GALNT9: variants seen among roughly 807,000 people sequenced by gnomAD.
GALNT9 encodes the protein GalNAc transferase 9.
Under a neutral mutation model 63.1 loss-of-function variants are expected in GALNT9, and 47 were observed. That is an observed-to-expected ratio of 0.75 (90% confidence interval 0.59 to 0.95). GALNT9 has a LOEUF of 0.95. Ranked by LOEUF, GALNT9 falls within the 40% of genes least tolerant of loss-of-function variation. The probability of loss-of-function intolerance (pLI) is 0.00; values close to 1 mark genes in which losing one functional copy is unlikely to be tolerated. For synonymous variants in GALNT9, 396 were observed against 365.7 expected (o/e 1.08, Z -0.94); for missense variants, 829 against 874.8 (o/e 0.95, Z 0.66).
Position 132,319,440 on chromosome 12 carries a change from C to T in GALNT9, c.238+9526G>A, listed in dbSNP as rs146678314. On this transcript the variant is annotated intron_variant, in intron 1 of 10. Coordinates refer to ENST00000328957, the MANE Select transcript of GALNT9 (RefSeq NM_001122636.2). The surrounding 1 kb of genome is among the most constrained non-coding windows in gnomAD (Gnocchi z 5.2). The stretch of plus-strand genomic sequence containing the variant: ...GTAGAAGTTATGCCGTTTTCCTCAG[C>T]GTGACCCTGGCTCTTAGGTCTCTGC... 2.8e-3 allele frequency among the ~76,000 whole-genome samples: 433 copies of T among 152,234 alleles called. 3 individuals are homozygous for T. The highest frequency in any genetic ancestry group is 0.01 in the African/African-American group (417 of 41,544).
At chr12:132,220,974 T>C (rs1379349062) in intron 6 of GALNT9, among the ~76,000 whole-genome samples, 3 of 147,646 alleles carry the variant, frequency 2.0e-5, no homozygotes, top group Non-Finnish European at 3.0e-5. Flanking sequence ...GGACAATCAC[T>C]TGAACCTGGG....
In GALNT9 at chr12:132,256,930, C is replaced by A. The variant is rs868953582; in HGVS notation, c.959+759G>T. On this transcript the variant is annotated intron_variant, in intron 5 of 10. Transcript: ENST00000328957. ...GGAGCACATTTCATGAGCTTGCTGGCGCAGGCCAGTCTTCTCCTGGGTAGT... is the reference window on the plus strand; with the variant it reads ...GGAGCACATTTCATGAGCTTGCTGGAGCAGGCCAGTCTTCTCCTGGGTAGT... Among the ~76,000 whole-genome samples the A allele has an allele frequency of 3.3e-5, 5 of 152,330 alleles. No individual in the cohort carries two copies. The South Asian group carries it at 8.3e-4, about 25-fold the overall frequency.
intron 1 of GALNT9, among the ~76,000 whole-genome samples, chr12:132,320,983 G>C (rs1181815905): frequency 6.6e-6 from 1 of 152,196 alleles, no homozygotes; most frequent in Non-Finnish European, 1.5e-5. Context: ...CCAGGCGGTC[G>C]ACGCCACAGT....
chr12:132,286,566 G>C lies in GALNT9; in HGVS notation c.239-136C>G, dbSNP rs1880602589. On this transcript the variant is annotated intron_variant, in intron 1 of 10. Transcript: ENST00000328957. This position sits in a 1 kb window ranked among gnomAD's most constrained non-coding sequence, Gnocchi z 7.4. ...CCCAGCAAACTCCCTGCAGATGGCAGGCTGCCAGCTCAGGACATTCCAGAA... is the reference window on the plus strand; with the variant it reads ...CCCAGCAAACTCCCTGCAGATGGCACGCTGCCAGCTCAGGACATTCCAGAA... 8.8e-6 allele frequency: 12 copies of C among 1,356,752 alleles called. No individual in the cohort carries two copies. In the South Asian group the frequency reaches 1.7e-4, roughly 19 times the overall value. 84.0% of individuals were successfully genotyped at this position (1,356,752 alleles called of 1,614,324 possible).
At chr12:132,254,487 G>C (rs1593086716) in intron 5 of GALNT9, among the ~76,000 whole-genome samples, 1 of 152,106 alleles carries the variant, frequency 6.6e-6, no homozygotes, top group Non-Finnish European at 1.5e-5. Context: ...GATTCTGACA[G>C]GGCTCATGTC....
intron 2 of GALNT9, among the ~76,000 whole-genome samples, chr12:132,266,758 G>A (rs554774533): frequency 7.7e-4 from 118 of 152,328 alleles, no homozygotes; most frequent in Non-Finnish European, 1.5e-3. Context: ...TCTGCTCTCG[G>A]ACTTGGGGCC....
chr12:132,299,214 A>C (rs1419744773), intron 1 of GALNT9, among the ~76,000 whole-genome samples: 6 of 143,990 alleles, frequency 4.2e-5, no homozygotes, highest in Non-Finnish European at 7.6e-5. Context: ...TCACTCCCAT[A>C]ACTAACCCAC....
At chr12:132,258,876 C>T (rs1555239428) in intron 4 of GALNT9, among the ~76,000 whole-genome samples, 1 of 152,226 alleles carries the variant, frequency 6.6e-6, no homozygotes, top group African/African-American at 2.4e-5. Flanking sequence ...AGGGCCAAAG[C>T]CACCCAGCCA....
At chr12:132,239,046 C>T (rs1878105163) in intron 6 of GALNT9, among the ~76,000 whole-genome samples, 1 of 151,992 alleles carries the variant, frequency 6.6e-6, no homozygotes, top group South Asian at 2.1e-4. Flanking sequence ...AGAACCTGGC[C>T]TAGATTTTCC....
At chr12:132,225,989 CAT>C (rs1877662691) in intron 6 of GALNT9, among the ~76,000 whole-genome samples, 1 of 136,446 alleles carries the variant, frequency 7.3e-6, no homozygotes, top group African/African-American at 3.3e-5. Flanking sequence ...ACCCCACACA[CAT>C]ACACCCCACA....
chr12:132,273,091 G>A (rs1879928844), intron 2 of GALNT9: 1 of 152,296 alleles, frequency 6.6e-6, no homozygotes, highest in African/African-American at 2.4e-5. Context: ...TCTGCTGGTG[G>A]GGGCAGCAGT....
chr12:132,268,555 T>C (rs553303961), intron 2 of GALNT9, among the ~76,000 whole-genome samples: 3 of 152,280 alleles, frequency 2.0e-5, no homozygotes, highest in Admixed American at 1.3e-4. Context: ...AATTGGACTT[T>C]ATCAAAATAA....
rs1273545716 is a variant in GALNT9 at position 132,252,909 on chromosome 12, T to C, written c.959+4780A>G. On this transcript the variant is annotated intron_variant, in intron 5 of 10. Transcript: ENST00000328957. This position sits in a 1 kb window ranked among gnomAD's most constrained non-coding sequence, Gnocchi z 5.2. ...AAAAAAAAAAAGACACGGAGACCAG[T>C]AGTGGCCCCGAACGGCTGGGTGCGC... is the stretch of plus-strand genomic sequence containing the variant. Among the ~76,000 whole-genome samples, 2 of 148,206 alleles carry C rather than the reference T, an allele frequency of 1.3e-5. No homozygotes were observed. The highest frequency in any genetic ancestry group is 5.0e-5 in the African/African-American group (2 of 40,372).
At chr12:132,312,144 AC>A (rs1475028394) in intron 1 of GALNT9, among the ~76,000 whole-genome samples, 1 of 152,260 alleles carries the variant, frequency 6.6e-6, no homozygotes, top group East Asian at 1.9e-4. Flanking sequence ...CCCTTCTGAT[AC>A]CATGAAGTCA....
chr12:132,252,707 C>T lies in GALNT9; in HGVS notation c.960-4680G>A, dbSNP rs571858808. Among the ~76,000 whole-genome samples the T allele has an allele frequency of 1.3e-5, 2 of 152,052 alleles. No individual in the cohort carries two copies. The highest frequency in any genetic ancestry group is 6.6e-5 in the Admixed American group (1 of 15,264). ...CAGCCTGACCAACATGGAGAAACCC[C>T]GTCTCTACTAAAAATACCAAAAAAA... is the stretch of plus-strand genomic sequence containing the variant. On this transcript the variant is annotated intron_variant, in intron 5 of 10. Coordinates refer to ENST00000328957, the MANE Select transcript of GALNT9 (RefSeq NM_001122636.2). The surrounding 1 kb of genome is among the most constrained non-coding windows in gnomAD (Gnocchi z 5.2).
At chr12:132,308,192 A>G (rs1881686211) in intron 1 of GALNT9, among the ~76,000 whole-genome samples, 2 of 152,212 alleles carry the variant, frequency 1.3e-5, no homozygotes, top group African/African-American at 4.8e-5. Context: ...AGGGAAGGAC[A>G]GACCCTCCCT....
At chr12:132,303,478 C>T (rs1471609744) in intron 1 of GALNT9, among the ~76,000 whole-genome samples, 2 of 64,232 alleles carry the variant, frequency 3.1e-5, no homozygotes, top group Non-Finnish European at 6.7e-5. Context: ...CACCCTCACC[C>T]GGGCACAGAA....
intron 6 of GALNT9, among the ~76,000 whole-genome samples, chr12:132,227,215 T>C (rs1342915916): frequency 6.6e-6 from 1 of 152,184 alleles, no homozygotes; most frequent in Non-Finnish European, 1.5e-5. Flanking sequence ...GAATCGTTTC[T>C]GTGCCAGATG....
At chr12:132,320,324 C>A (rs945053631) in intron 1 of GALNT9, among the ~76,000 whole-genome samples, 2 of 152,218 alleles carry the variant, frequency 1.3e-5, no homozygotes, top group Non-Finnish European at 2.9e-5. Context: ...CTCGAGGACG[C>A]GGGTGCGGCA....
Sources: allele counts gnomAD v4.1 joint callset (sites outside exome capture counted in the v4.1 genomes callset), GRCh38; gene constraint gnomAD v4.1.1; non-coding constraint Gnocchi (gnomAD v3.1); transcripts MANE v1.5; gene names NCBI Gene and HGNC (gene_info 2026-07-23, HGNC 2026-07-21).